CARMIL1: variants seen among roughly 807,000 people sequenced by gnomAD.
CARMIL1 encodes F-actin-uncapping protein LRRC16A.
CARMIL1 carries 90 observed loss-of-function variants against 177.1 expected under a neutral mutation model. The ratio of observed to expected loss-of-function variants is 0.51; its 90% CI spans 0.43 to 0.61. The LOEUF (loss-of-function observed/expected upper bound fraction) is 0.61, where lower values mean the gene tolerates loss of function less well. Among genes scored for constraint, CARMIL1 ranks in the 20% least tolerant of loss-of-function variants. The pLI is 0.00. For missense variants in CARMIL1, 1,380 were observed against 1,667.0 expected (o/e 0.83, Z 3.00); for synonymous variants, 577 against 606.2 (o/e 0.95, Z 0.71).
intron 23 of CARMIL1, among the ~76,000 whole-genome samples, chr6:25,524,067 C>T (rs1806850942): frequency 6.6e-6 from 1 of 151,924 alleles, no homozygotes. Context: ...GAAATATACT[C>T]AGAGCATTCT....
At chr6:25,280,503 T>C (rs1780998638) in intron 1 of CARMIL1, among the ~76,000 whole-genome samples, 1 of 151,852 alleles carries the variant, frequency 6.6e-6, no homozygotes, top group Non-Finnish European at 1.5e-5. Context: ...ATGATTAACC[T>C]ACCGATTCTC....
chr6:25,324,161 C>T (rs1784893640), intron 2 of CARMIL1, among the ~76,000 whole-genome samples: 1 of 152,198 alleles, frequency 6.6e-6, no homozygotes, highest in African/African-American at 2.4e-5. Context: ...ACACCTTCTC[C>T]TGTCTGCTGC....
intron 24 of CARMIL1, 86 bp downstream of exon 24, chr6:25,528,979 C>A: frequency 2.1e-6 from 2 of 975,248 alleles, no homozygotes; most frequent in Non-Finnish European, 3.1e-6. Context: ...GAGTAATTTC[C>A]AATGGGTCAA....
chr6:25,399,905 T>C (rs538972684), intron 2 of CARMIL1, among the ~76,000 whole-genome samples: 34 of 152,244 alleles, frequency 2.2e-4, no homozygotes, highest in Non-Finnish European at 4.0e-4. Flanking sequence ...AAAAGTTTTA[T>C]ATACATCCTC....
chr6:25,408,607 T>C (rs967053733), intron 2 of CARMIL1, among the ~76,000 whole-genome samples: 9 of 152,200 alleles, frequency 5.9e-5, no homozygotes, highest in Non-Finnish European at 2.9e-5. Context: ...ACAGAGGTCT[T>C]TCTCAAAATC....
chr6:25,442,468 ATGTGTGTGTGTG>A lies in CARMIL1; in HGVS notation c.371+6870_371+6881del, dbSNP rs5875041. On this transcript the variant is annotated intron_variant, in intron 5 of 36. Transcript: ENST00000329474. ...TGTCTATTTAACAGTGTGTGTGTGT[ATGTGTGTGTGTG>A]TGTGTATGTGTGTGTGAGCTGGTGC... Among the ~76,000 whole-genome samples the A allele has an allele frequency of 4.0e-3, 597 of 148,982 alleles. 3 individuals are homozygous for A. Among genetic ancestry groups the A allele is most frequent in the Middle Eastern group, 0.031 (9 of 294 alleles).
At chr6:25,443,199 C>T (rs1461474944) in intron 5 of CARMIL1, among the ~76,000 whole-genome samples, 1 of 152,196 alleles carries the variant, frequency 6.6e-6, no homozygotes, top group Non-Finnish European at 1.5e-5. Flanking sequence ...GCTGTGCCTA[C>T]TTCTGACAGC....
At chr6:25,457,359 A>G (rs1284806687) in intron 8 of CARMIL1, among the ~76,000 whole-genome samples, 1 of 152,200 alleles carries the variant, frequency 6.6e-6, no homozygotes, top group African/African-American at 2.4e-5. Context: ...TGAATGATCA[A>G]AAAATATAGA....
chr6:25,435,473 G>A lies in CARMIL1; in HGVS notation c.250-10G>A, dbSNP rs1347411105. 8 of 1,550,030 alleles carry A rather than the reference G, an allele frequency of 5.2e-6. No individual in the cohort carries two copies. The South Asian group carries it at 7.2e-5, about 14-fold the overall frequency. On this transcript the variant is annotated splice_polypyrimidine_tract_variant and intron_variant, in intron 4 of 36. Transcript: ENST00000329474. ...CTCATTCTTAAGAAGTGTCCCACCG[G>A]TTCTTGCAGATGATTGTGGAAACTG...
intron 12 of CARMIL1, among the ~76,000 whole-genome samples, chr6:25,486,057 A>G (rs1301111453): frequency 6.6e-6 from 1 of 152,136 alleles, no homozygotes; most frequent in Non-Finnish European, 1.5e-5. Context: ...TGGTTGCCAG[A>G]TTATGTCAAG....
intron 28 of CARMIL1, among the ~76,000 whole-genome samples, chr6:25,555,329 T>C (rs1004721167): frequency 3.9e-5 from 6 of 152,230 alleles, no homozygotes; most frequent in Admixed American, 3.9e-4. Context: ...CATGATTGTT[T>C]AGAGCTCCTG....
At chr6:25,605,843 C>T (rs1815907675) in intron 34 of CARMIL1, among the ~76,000 whole-genome samples, 1 of 152,164 alleles carries the variant, frequency 6.6e-6, no homozygotes, top group South Asian at 2.1e-4. Flanking sequence ...GATCAGAAAA[C>T]AACCAAAAAG....
chr6:25,442,519 C>T (rs1368329949), intron 5 of CARMIL1, among the ~76,000 whole-genome samples: 3 of 151,766 alleles, frequency 2.0e-5, no homozygotes, highest in Non-Finnish European at 2.9e-5. Context: ...GTAACAAATA[C>T]ACTGATGGGG....
chr6:25,498,462 G>A (rs1001160110), intron 16 of CARMIL1, among the ~76,000 whole-genome samples: 1 of 152,134 alleles, frequency 6.6e-6, no homozygotes, highest in Non-Finnish European at 1.5e-5. Context: ...CTAGTCTCAT[G>A]AGTTGTTGCC....
intron 2 of CARMIL1, among the ~76,000 whole-genome samples, chr6:25,368,268 G>A (rs1044684665): frequency 6.6e-6 from 1 of 152,186 alleles, no homozygotes; most frequent in African/African-American, 2.4e-5. Flanking sequence ...CTTAGTTTCT[G>A]AGAGTAGTTG....
chr6:25,315,672 T>A (rs969064063), intron 2 of CARMIL1, among the ~76,000 whole-genome samples: 1 of 152,288 alleles, frequency 6.6e-6, no homozygotes, highest in Non-Finnish European at 1.5e-5. Flanking sequence ...AGTTTCACAC[T>A]GTTGTCATAT....
rs181319397 is a variant in CARMIL1, at chr6:25,560,102, C to T, written c.2742+3252C>T. Among the ~76,000 whole-genome samples, 259 of 152,192 alleles carry T rather than the reference C, an allele frequency of 1.7e-3. 1 individual carries two copies. The highest frequency in any genetic ancestry group is 1.8e-3 in the Admixed American group (28 of 15,292). On this transcript the variant is annotated intron_variant, in intron 29 of 36. Transcript: ENST00000329474. ...CAATTAAACTTTTGTTTTGACTAAG[C>T]GAAGGCTGAAGTAAGAATGATTTGA...
In CARMIL1 at chr6:25,491,997, A is replaced by G; in HGVS notation, c.1193A>G (p.Asn398Ser). 6.2e-7 allele frequency: 1 copy of G among 1,613,544 alleles called. No individual in the cohort carries two copies. Among genetic ancestry groups the G allele is most frequent in the Non-Finnish European group, 8.5e-7 (1 of 1,179,686 alleles). The change falls in exon 15 of 37, where the codon AAC (asparagine) becomes AGC (serine). Residue 398 changes from asparagine (N) to serine (S), a missense_variant. Physicochemically the swap from Asn to Ser is conservative, Grantham distance 46. Transcript: ENST00000329474. ...TGCCTTCAATATTTAGCTGTGCTCA[A>G]CCTCTCCAGAACTGTCTTCTCTCAC... Reference protein sequence around the residue: ...RGCLQYLAVLNLSRTVFSHRK... With the variant: ...RGCLQYLAVLSLSRTVFSHRK...
intron 17 of CARMIL1, among the ~76,000 whole-genome samples, chr6:25,506,743 T>A (rs1009850819): frequency 3.9e-5 from 6 of 152,164 alleles, no homozygotes; most frequent in African/African-American, 7.2e-5. Context: ...AAAATTAATT[T>A]AAAAAAAATT....
Sources: gnomAD v4.1 joint callset for allele counts (sites outside exome capture counted in the v4.1 genomes callset) on GRCh38, gnomAD v4.1.1 for gene constraint, MANE v1.5 for transcripts, NCBI Gene and HGNC (gene_info 2026-07-23, HGNC 2026-07-21) for gene names.